The following CFAP46 variants were observed in gnomAD, a reference collection of about 807,000 sequenced individuals.
CFAP46 encodes the protein cilia and flagella associated protein 46, also known as cilia- and flagella-associated protein 46.
CFAP46 carries 245 observed loss-of-function variants against 325.7 expected under a neutral mutation model. That is an observed-to-expected ratio of 0.75 (90% CI 0.68 to 0.84). The LOEUF is 0.84. Ranked by LOEUF, CFAP46 falls within the 40% of genes least tolerant of loss-of-function variation. The probability of loss-of-function intolerance (pLI) is 0.00; values close to 1 mark genes in which losing one functional copy is unlikely to be tolerated. For synonymous variants in CFAP46, 1,523 were observed against 1,495.9 expected (o/e 1.02, Z -0.42); for missense variants, 3,346 against 3,543.0 (o/e 0.94, Z 1.41).
intron 46 of CFAP46, among the ~76,000 whole-genome samples, chr10:132,835,894 C>T (rs1411962431): frequency 3.0e-5 from 4 of 131,380 alleles, no homozygotes; most frequent in Non-Finnish European, 6.6e-5. Flanking sequence ...CCCCCTTCCC[C>T]ATGCTCCCGT....
chr10:132,935,096 C>T (rs970467266), intron 7 of CFAP46, among the ~76,000 whole-genome samples: 1 of 152,088 alleles, frequency 6.6e-6, no homozygotes, highest in Admixed American at 6.5e-5. Flanking sequence ...ACTCAGAGGG[C>T]CCAGACCCCT....
chr10:132,856,936 C>G (rs1048006518), intron 39 of CFAP46, among the ~76,000 whole-genome samples: 2 of 152,188 alleles, frequency 1.3e-5, no homozygotes, highest in African/African-American at 4.8e-5. Flanking sequence ...AAGGAAATAG[C>G]TGGGTCCTTT....
rs34414902 is a variant in CFAP46 at position 132,810,478 on chromosome 10, C to T, written c.7595G>A (p.Arg2532His). The change falls in exon 57 of 58, where the codon CGT becomes CAT. Residue 2532 changes from arginine to histidine, a missense_variant. Transcript: ENST00000368586. ...ESVEHRRSVGRWEANWRNSAS... is the reference protein window; with the variant it reads ...ESVEHRRSVGHWEANWRNSAS... Reference sequence around the variant, plus strand: ...ACTGTTTCTCCAATTGGCTTCCCAACGGCCAACAGATCTAGGGGAGAAACG... The same window carrying T: ...ACTGTTTCTCCAATTGGCTTCCCAATGGCCAACAGATCTAGGGGAGAAACG... The T allele has an allele frequency of 1.1e-4, 174 of 1,613,544 alleles. No homozygotes were observed. In the African/African-American group the frequency reaches 1.2e-3, roughly 11 times the overall value.
At chr10:132,836,635 G>GC (rs3833717) in intron 45 of CFAP46, among the ~76,000 whole-genome samples, 182 bp downstream of exon 45, 49 of 151,868 alleles carry the variant, frequency 3.2e-4, no homozygotes, top group East Asian at 2.4e-3. Context: ...TCTCTGGACG[G>GC]CCCCCCCCCC....
rs1017891851 is a variant in CFAP46 at position 132,895,447 on chromosome 10, G to A, written c.3220-3030C>T. Among the ~76,000 whole-genome samples the A allele has an allele frequency of 2.0e-5, 3 of 152,192 alleles. No homozygotes were observed. The East Asian group carries it at 5.8e-4, about 29-fold the overall frequency. On this transcript the variant is annotated intron_variant, in intron 24 of 57. Transcript: ENST00000368586. ...GCTATTCCACCAGAGGCTCTGGCCAGAGCTACTGGACAACAACAAGAAAGA... is the reference window on the plus strand; with the variant it reads ...GCTATTCCACCAGAGGCTCTGGCCAAAGCTACTGGACAACAACAAGAAAGA...
At chr10:132,891,323 G>A (rs1393485871) in intron 25 of CFAP46, among the ~76,000 whole-genome samples, 1 of 152,176 alleles carries the variant, frequency 6.6e-6, no homozygotes, top group African/African-American at 2.4e-5. Context: ...GGTGGGGTCG[G>A]GGGTGGTAGG....
rs1251199009 is a variant in CFAP46, at chr10:132,814,575, A to T, written c.7285+2T>A. The T allele has an allele frequency of 1.3e-6, 2 of 1,561,506 alleles. No homozygotes were observed. The highest frequency in any genetic ancestry group is 3.9e-5 in the Admixed American group (2 of 51,750). On this transcript the variant is annotated splice_donor_variant, in intron 53 of 57. Coordinates refer to ENST00000368586, the MANE Select transcript of CFAP46 (RefSeq NM_001200049.3). LOFTEE classifies it high-confidence loss of function. ...GAACAGGGAGCCCTGTGCAGCACCCACCTGGGCCCTGGGCCTCCTCGTATG... is the reference window on the plus strand; with the variant it reads ...GAACAGGGAGCCCTGTGCAGCACCCTCCTGGGCCCTGGGCCTCCTCGTATG...
At position 132,846,050 on chromosome 10, in the gene CFAP46, C is replaced by T. The variant is rs368200471; in HGVS notation, c.6438+7G>A. On this transcript the variant is annotated splice_region_variant and intron_variant, in intron 44 of 57. Coordinates refer to ENST00000368586, the MANE Select transcript of CFAP46 (RefSeq NM_001200049.3). ...GGGCAGGTTCAGCGGCATCCGTGCC[C>T]GCTTACCTTGGACACGGCGGCCAGC... 6.4e-5 allele frequency: 102 copies of T among 1,600,098 alleles called. No individual in the cohort carries two copies. The highest frequency in any genetic ancestry group is 2.1e-4 in the African/African-American group (16 of 74,738).
chr10:132,842,614 C>T (rs1848363189), intron 44 of CFAP46, among the ~76,000 whole-genome samples: 1 of 152,234 alleles, frequency 6.6e-6, no homozygotes, highest in Non-Finnish European at 1.5e-5. Context: ...CCACCCCACT[C>T]CTGGTACCAA....
intron 50 of CFAP46, among the ~76,000 whole-genome samples, chr10:132,821,341 G>A: frequency 6.9e-6 from 1 of 144,738 alleles, no homozygotes; most frequent in Non-Finnish European, 1.5e-5. Context: ...GATGTGTGCT[G>A]TGTGCTGATG....
At chr10:132,861,367 C>T (rs1328228911) in intron 35 of CFAP46, among the ~76,000 whole-genome samples, 1 of 152,264 alleles carries the variant, frequency 6.6e-6, no homozygotes, top group Non-Finnish European at 1.5e-5. Context: ...CACAGCCCCA[C>T]TCTGGCTGGT....
chr10:132,823,788 A>ATGTGTGCTGTGTGTGTGC (rs1199614990), intron 50 of CFAP46, among the ~76,000 whole-genome samples: 1 of 114,470 alleles, frequency 8.7e-6, no homozygotes. Context: ...GTGTGCACTG[A>ATGTGTGCTGTGTGTGTGC]TGTGTGCTGT....
chr10:132,924,290 C>T (rs1184468114), intron 11 of CFAP46, among the ~76,000 whole-genome samples: 1 of 152,138 alleles, frequency 6.6e-6, no homozygotes, highest in Non-Finnish European at 1.5e-5. Context: ...CACGCTGGCC[C>T]CTGCATTCCT....
At chr10:132,878,466 G>A (rs568680867) in intron 29 of CFAP46, among the ~76,000 whole-genome samples, 48 of 152,286 alleles carry the variant, frequency 3.2e-4, no homozygotes, top group African/African-American at 1.1e-3. Context: ...CGCTAGGCAC[G>A]CCTCCTTGGC....
intron 34 of CFAP46, among the ~76,000 whole-genome samples, chr10:132,866,561 G>A (rs565764538): frequency 6.6e-6 from 1 of 152,282 alleles, no homozygotes; most frequent in East Asian, 1.9e-4. Flanking sequence ...CTGTGCACCC[G>A]GCCTTGCTAG....
rs1848169011 is a variant in CFAP46 at position 132,832,626 on chromosome 10, T to C, written c.7117+732A>G. 2.7e-6 allele frequency: 1 copy of C among 376,004 alleles called. No homozygotes were observed. The highest frequency in any genetic ancestry group is 2.1e-5 in the African/African-American group (1 of 47,140). The allele number at this position is 376,004 out of a possible 1,614,324, so 23.3% of individuals were successfully genotyped here. ...GAAGCAAAAGTCCAATCGATTTATTTTTAATTTTATTTGATACCGAAGTGC... is the reference window on the plus strand; with the variant it reads ...GAAGCAAAAGTCCAATCGATTTATTCTTAATTTTATTTGATACCGAAGTGC... On this transcript the variant is annotated intron_variant, in intron 50 of 57. Coordinates refer to ENST00000368586, the MANE Select transcript of CFAP46 (RefSeq NM_001200049.3). The surrounding 1 kb of genome is among the most constrained non-coding windows in gnomAD (Gnocchi z 4.1).
Position 132,851,222 on chromosome 10 carries a change from C to T in CFAP46, c.5658G>A (p.Gln1886=). 1 of 1,614,144 alleles carries T rather than the reference C, an allele frequency of 6.2e-7. No homozygotes were observed. The highest frequency in any genetic ancestry group is 2.2e-5 in the East Asian group (1 of 44,886). Residue 1886 remains glutamine, a synonymous_variant, in exon 40 of 58, where the codon CAG becomes CAA. Coordinates refer to ENST00000368586, the MANE Select transcript of CFAP46 (RefSeq NM_001200049.3). ...GCCCGTGGGCCTCCTCCCAGATGAA[C>T]TGGAGCATGTCCAGAGCCATTTCCA... The part of the protein sequence containing the change: ...GLVEMALDML[Q]FIWEEAHGQQ...
Position 132,886,348 on chromosome 10 carries a change from CCACGTG to C in CFAP46, c.3305-395_3305-390del, listed in dbSNP as rs760837924. ...CTCCCCCGCGGCCGAGGACACAGCG[CCACGTG>C]CACGCTCGGGAGTCCTCATGCTTGG... On this transcript the variant is annotated intron_variant, in intron 25 of 57. Coordinates refer to ENST00000368586, the MANE Select transcript of CFAP46 (RefSeq NM_001200049.3). This position sits in a 1 kb window ranked among gnomAD's most constrained non-coding sequence, Gnocchi z 5.8. Among the ~76,000 whole-genome samples the C allele has an allele frequency of 5.3e-5, 8 of 152,232 alleles. No individual in the cohort carries two copies. Among genetic ancestry groups the C allele is most frequent in the Non-Finnish European group, 1.0e-4 (7 of 68,038 alleles).
rs542742229 is a variant in CFAP46 at position 132,870,826 on chromosome 10, CTAA to C, written c.4512-1457_4512-1455del. On this transcript the variant is annotated intron_variant, in intron 32 of 57. Transcript: ENST00000368586. ...GAAGCCAGTTAGCCGGAAGATCCAG[CTAA>C]TAAGAGCATGGATGGTGGCTACGCT... is the stretch of plus-strand genomic sequence containing the variant. 1.8e-3 allele frequency among the ~76,000 whole-genome samples: 274 copies of C among 151,980 alleles called. 1 individual carries two copies. Among genetic ancestry groups the C allele is most frequent in the African/African-American group, 6.3e-3 (262 of 41,536 alleles).
Sources: gnomAD v4.1 joint callset for allele counts (sites outside exome capture counted in the v4.1 genomes callset) on GRCh38, gnomAD v4.1.1 for gene constraint, Gnocchi (gnomAD v3.1) non-coding constraint, MANE v1.5 for transcripts, NCBI Gene and HGNC (gene_info 2026-07-23, HGNC 2026-07-21) for gene names.